DMRT2: variants seen among roughly 807,000 people sequenced by gnomAD.
DMRT2 encodes doublesex- and mab-3-related transcription factor 2.
Under a neutral mutation model 43.5 loss-of-function variants are expected in DMRT2, and 33 were observed. The observed-to-expected ratio is 0.76, with a 90% CI of 0.58 to 1.01. The LOEUF is 1.01. DMRT2 is among the 50% of genes least tolerant of loss of function. DMRT2 has a pLI of 0.00. For synonymous variants in DMRT2, 395 were observed against 309.2 expected (o/e 1.28, Z -2.91); for missense variants, 1,064 against 748.0 (o/e 1.42, Z -4.93).
In DMRT2 at chr9:1,056,940, C is replaced by T; in HGVS notation, c.1353C>T (p.Val451=). 1 of 1,614,196 alleles carries T rather than the reference C, an allele frequency of 6.2e-7. No homozygotes were observed. Residue 451 remains valine, a synonymous_variant, in exon 4 of 4, where the codon GTC becomes GTT. Coordinates refer to ENST00000358146, the MANE Select transcript of DMRT2 (RefSeq NM_181872.6). Reference sequence around the variant, plus strand: ...ACTCCCTGGCAGCTCAAGGGCATGTCTTAACGAAGATCAGCAAAGAAAACA... The same window carrying T: ...ACTCCCTGGCAGCTCAAGGGCATGTTTTAACGAAGATCAGCAAAGAAAACA... ...DTDSLAAQGH[V]LTKISKENTR...
chr9:1,057,134 T>C lies in DMRT2; in HGVS notation c.1547T>C (p.Phe516Ser), dbSNP rs767466352. ...GTTAAGGACAACCAGAAGTACACATTTACAATAGATAGATGTGCAAAAGAC... is the reference window on the plus strand; with the variant it reads ...GTTAAGGACAACCAGAAGTACACATCTACAATAGATAGATGTGCAAAAGAC... The part of the protein sequence containing the change: ...CLVKDNQKYT[F>S]TIDRCAKDLF... Residue 516 changes from phenylalanine to serine, a missense_variant, in exon 4 of 4, where the codon TTT becomes TCT. Physicochemically the swap from Phe to Ser is radical, Grantham distance 155 (BLOSUM62 -2). Coordinates refer to ENST00000358146, the MANE Select transcript of DMRT2 (RefSeq NM_181872.6). 3.7e-6 allele frequency: 6 copies of C among 1,613,844 alleles called. No homozygotes were observed. The highest frequency in any genetic ancestry group is 5.1e-6 in the Non-Finnish European group (6 of 1,179,990).
In DMRT2 at chr9:1,053,713, T is replaced by C. The variant is rs772911244; in HGVS notation, c.526-9T>C. On this transcript the variant is annotated splice_polypyrimidine_tract_variant and intron_variant, in intron 2 of 3. Transcript: ENST00000358146. ...AGGGCATTATTGATGATGTTTCTTG[T>C]GTTTACAGGACAAGAAGGGGCTTTC... 4 of 1,609,192 alleles carry C rather than the reference T, an allele frequency of 2.5e-6. No homozygotes were observed. In the African/African-American group the frequency reaches 5.4e-5, roughly 22 times the overall value.
Position 1,051,844 on chromosome 9 carries a change from G to A in DMRT2, c.231G>A (p.Gln77=), listed in dbSNP as rs1449174836. 3 of 1,429,456 alleles carry A rather than the reference G, an allele frequency of 2.1e-6. No individual in the cohort carries two copies. The highest frequency in any genetic ancestry group is 2.7e-6 in the Non-Finnish European group (3 of 1,100,056). The allele number at this position is 1,429,456 out of a possible 1,614,324, so 88.5% of individuals were successfully genotyped here. A position where few individuals can be genotyped will look rare whatever the true frequency, so the allele number is the denominator to read the frequency against. Residue 77 remains glutamine (Q), a synonymous_variant, in exon 2 of 4, where the codon CAG becomes CAA. Coordinates refer to ENST00000358146, the MANE Select transcript of DMRT2 (RefSeq NM_181872.6). This position sits in a 1 kb window ranked among gnomAD's most constrained non-coding sequence, Gnocchi z 5.9. Reference sequence around the variant, plus strand: ...GCGCGTCCCCCGGGATGCCCGGCCAGCCGGAGCAGCGGGGGGGACCGCAGC... The same window carrying A: ...GCGCGTCCCCCGGGATGCCCGGCCAACCGGAGCAGCGGGGGGGACCGCAGC... ...EAGASPGMPG[Q]PEQRGGPQPR...
rs140337454 is a variant in DMRT2, at chr9:1,056,868, C to A, written c.1281C>A (p.Ser427=). The A allele has an allele frequency of 1.2e-5, 20 of 1,614,002 alleles. No homozygotes were observed. The Middle Eastern group carries it at 1.6e-3, about 133-fold the overall frequency. Reference sequence around the variant, plus strand: ...GTCATCAGGCTGTCCCAGAGAGGTCCGCGTTCTCCCCACCCCGACGGAATT... The same window carrying A: ...GTCATCAGGCTGTCCCAGAGAGGTCAGCGTTCTCCCCACCCCGACGGAATT... ...LQGHQAVPER[S]AFSPPRRNFS... Residue 427 remains serine (S), a synonymous_variant, in exon 4 of 4, where the codon TCC becomes TCA. Coordinates refer to ENST00000358146, the MANE Select transcript of DMRT2 (RefSeq NM_181872.6).
At position 1,056,729 on chromosome 9, in the gene DMRT2, C is replaced by T; in HGVS notation, c.1142C>T (p.Ala381Val). Residue 381 changes from alanine to valine, a missense_variant, in exon 4 of 4, where the codon GCA (alanine) becomes GTA (valine). Coordinates refer to ENST00000358146, the MANE Select transcript of DMRT2 (RefSeq NM_181872.6). ...GGGGCCAGCTGGGACTTGAAGGGAG[C>T]ACGAGTCCAGGATGGACTCAGTGCA... ...KPGASWDLKG[A>V]RVQDGLSAEQ... The T allele has an allele frequency of 6.2e-7, 1 of 1,614,128 alleles. No individual in the cohort carries two copies. The highest frequency in any genetic ancestry group is 8.5e-7 in the Non-Finnish European group (1 of 1,180,020).
chr9:1,055,833 G>T lies in DMRT2; in HGVS notation c.629-383G>T, dbSNP rs6474554. 5,413 of 1,516,534 alleles carry T rather than the reference G, an allele frequency of 3.6e-3. 153 individuals carry two copies. In the African/African-American group the frequency reaches 0.063, roughly 18 times the overall value. 93.9% of individuals were successfully genotyped at this position (1,516,534 alleles called of 1,614,324 possible). Reference sequence around the variant, plus strand: ...ATATTTTTTAATAATGAAAAAAGATGACATGGATAATAATAAAACATTGAT... The same window carrying T: ...ATATTTTTTAATAATGAAAAAAGATTACATGGATAATAATAAAACATTGAT... On this transcript the variant is annotated intron_variant, in intron 3 of 3. Coordinates refer to ENST00000358146, the MANE Select transcript of DMRT2 (RefSeq NM_181872.6).
chr9:1,052,349 T>G (rs1821656339), intron 2 of DMRT2, among the ~76,000 whole-genome samples: 1 of 152,094 alleles, frequency 6.6e-6, no homozygotes, highest in Admixed American at 6.5e-5. Context: ...GGAAATGTTT[T>G]TGTCTTAAAA....
intron 3 of DMRT2, among the ~76,000 whole-genome samples, 199 bp downstream of exon 3, chr9:1,054,023 A>G (rs1305827074): frequency 6.6e-6 from 1 of 152,230 alleles, no homozygotes; most frequent in Non-Finnish European, 1.5e-5. Context: ...TGGCCCGGGA[A>G]CCAGAAAGTT....
rs186792147 is a variant in DMRT2, at chr9:1,053,998, C to A, written c.628+174C>A. ...CCCGTACGCTAAAACTGAACCCGTA[C>A]GGAGAAGATTAGCATGGCCCGGGAA... On this transcript the variant is annotated intron_variant, in intron 3 of 3. Transcript: ENST00000358146. Among the ~76,000 whole-genome samples, 7 of 152,248 alleles carry A rather than the reference C, an allele frequency of 4.6e-5. No homozygotes were observed. In the East Asian group the frequency reaches 1.3e-3, roughly 29 times the overall value.
Position 1,057,182 on chromosome 9 carries a change from G to C in DMRT2, c.1595G>C (p.Gly532Ala). Residue 532 changes from glycine (G) to alanine (A), a missense_variant, in exon 4 of 4, where the codon GGA becomes GCA. By Grantham distance (60) the Gly-to-Ala change is moderately conservative. Transcript: ENST00000358146. ...AKDLFVAKQV[G>A]TKLSVNEPLS... ...GACCTTTTTGTAGCCAAACAAGTTG[G>C]AACAAAACTCTCGGTGAATGAACCA... is the stretch of plus-strand genomic sequence containing the variant. 1.2e-6 allele frequency: 2 copies of C among 1,614,022 alleles called. No homozygotes were observed. The highest frequency in any genetic ancestry group is 1.7e-6 in the Non-Finnish European group (2 of 1,180,020).
rs1822003559 is a variant in DMRT2, at chr9:1,056,558, C to G, written c.971C>G (p.Ser324Cys). 2 of 1,614,094 alleles carry G rather than the reference C, an allele frequency of 1.2e-6. No homozygotes were observed. The highest frequency in any genetic ancestry group is 1.7e-5 in the Admixed American group (1 of 60,006). Residue 324 changes from serine to cysteine, a missense_variant, in exon 4 of 4, where the codon TCT (serine) becomes TGT (cysteine). Physicochemically the swap from Ser to Cys is moderately radical, Grantham distance 112. Coordinates refer to ENST00000358146, the MANE Select transcript of DMRT2 (RefSeq NM_181872.6). The stretch of plus-strand genomic sequence containing the variant: ...TCTGGGAATATGGAACTAATTTCTT[C>G]TAATGTCAGCGTGGCCACAACTTAT... ...SGSGNMELIS[S>C]NVSVATTYRQ... is the part of the protein sequence containing the mutation.
At chr9:1,054,356 A>G (rs1286099145) in intron 3 of DMRT2, among the ~76,000 whole-genome samples, 2 of 152,104 alleles carry the variant, frequency 1.3e-5, no homozygotes, top group African/African-American at 4.8e-5. Context: ...CGCAACCAGT[A>G]AAGCCGTTTA....
In DMRT2 at chr9:1,051,856, G is replaced by T. The variant is rs541403055; in HGVS notation, c.243G>T (p.Arg81=). The part of the protein sequence containing the change: ...SPGMPGQPEQ[R]GGPQPRPPLA... Reference sequence around the variant, plus strand: ...GGATGCCCGGCCAGCCGGAGCAGCGGGGGGGACCGCAGCCGAGGCCGCCGC... The same window carrying T: ...GGATGCCCGGCCAGCCGGAGCAGCGTGGGGGACCGCAGCCGAGGCCGCCGC... Residue 81 remains arginine (R), a synonymous_variant, in exon 2 of 4, where the codon CGG becomes CGT. Coordinates refer to ENST00000358146, the MANE Select transcript of DMRT2 (RefSeq NM_181872.6). The surrounding 1 kb of genome is among the most constrained non-coding windows in gnomAD (Gnocchi z 5.9). The T allele has an allele frequency of 1.2e-4, 166 of 1,399,602 alleles. No homozygotes were observed. In the African/African-American group the frequency reaches 1.8e-3, roughly 15 times the overall value. The allele number at this position is 1,399,602 out of a possible 1,614,324, so 86.7% of individuals were successfully genotyped here. A position where few individuals can be genotyped will look rare whatever the true frequency, so the allele number is the denominator to read the frequency against.
chr9:1,056,417 G>T lies in DMRT2; in HGVS notation c.830G>T (p.Gly277Val). 3 of 1,614,164 alleles carry T rather than the reference G, an allele frequency of 1.9e-6. No individual in the cohort carries two copies. The highest frequency in any genetic ancestry group is 2.5e-6 in the Non-Finnish European group (3 of 1,180,032). Residue 277 changes from glycine (G) to valine (V), a missense_variant, in exon 4 of 4, where the codon GGA becomes GTA. Coordinates refer to ENST00000358146, the MANE Select transcript of DMRT2 (RefSeq NM_181872.6). Reference sequence around the variant, plus strand: ...TTTCTGCCCAACCGCATGGTGCCTGGACCTGACTACAATTCCTACAAAAGT... The same window carrying T: ...TTTCTGCCCAACCGCATGGTGCCTGTACCTGACTACAATTCCTACAAAAGT... ...ALFLPNRMVP[G>V]PDYNSYKSAY...
intron 3 of DMRT2, chr9:1,055,895 G>C: frequency 6.8e-7 from 1 of 1,472,226 alleles, no homozygotes; most frequent in Non-Finnish European, 8.9e-7. Context: ...TTAATGCGTA[G>C]GGGGCCTGGG....
Position 1,051,546 on chromosome 9 carries a change from TTGGATTTCTTTG to T in DMRT2, c.-44-21_-44-10del. The T allele has an allele frequency of 6.9e-7, 1 of 1,441,760 alleles. No individual in the cohort carries two copies. The highest frequency in any genetic ancestry group is 9.0e-7 in the Non-Finnish European group (1 of 1,107,574). 89.3% of individuals were successfully genotyped at this position (1,441,760 alleles called of 1,614,324 possible). A position where few individuals can be genotyped will look rare whatever the true frequency, so the allele number is the denominator to read the frequency against. On this transcript the variant is annotated splice_polypyrimidine_tract_variant and intron_variant, in intron 1 of 3. Coordinates refer to ENST00000358146, the MANE Select transcript of DMRT2 (RefSeq NM_181872.6). The surrounding 1 kb of genome is among the most constrained non-coding windows in gnomAD (Gnocchi z 5.9). ...GTCCCTGACGGCGGCCGGTGGGTCTTTGGATTTCTTTGTGTTTCCCCAGAGTGAGGGCCGCCA... is the reference window on the plus strand; with the variant it reads ...GTCCCTGACGGCGGCCGGTGGGTCTTTGTTTCCCCAGAGTGAGGGCCGCCA...
Position 1,054,395 on chromosome 9 carries a change from C to G in DMRT2, c.628+571C>G, listed in dbSNP as rs1351274186. Among the ~76,000 whole-genome samples, 4 of 147,138 alleles carry G rather than the reference C, an allele frequency of 2.7e-5. 1 individual carries two copies. In the East Asian group the frequency reaches 7.9e-4, roughly 29 times the overall value. ...TGGAAGTTCAACCTCAGATTCCGCT[C>G]TTTTTCATTGTACTTTTTTTTTTTT... On this transcript the variant is annotated intron_variant, in intron 3 of 3. Transcript: ENST00000358146.
In DMRT2 at chr9:1,051,981, G is replaced by T; in HGVS notation, c.368G>T (p.Cys123Phe). The change falls in exon 2 of 4, where the codon TGC becomes TTC. Residue 123 changes from cysteine to phenylalanine, a missense_variant. By Grantham distance (205) the Cys-to-Phe change is radical. Coordinates refer to ENST00000358146, the MANE Select transcript of DMRT2 (RefSeq NM_181872.6). The surrounding 1 kb of genome is among the most constrained non-coding windows in gnomAD (Gnocchi z 5.9). The stretch of plus-strand genomic sequence containing the variant: ...CGCAAGCTGAGCCGCACGCCCAAGT[G>T]CGCGCGCTGCCGCAACCACGGCGTG... Reference protein sequence around the residue: ...EPRKLSRTPKCARCRNHGVVS... With the variant: ...EPRKLSRTPKFARCRNHGVVS... 1.4e-6 allele frequency: 2 copies of T among 1,443,736 alleles called. No individual in the cohort carries two copies. The highest frequency in any genetic ancestry group is 1.8e-6 in the Non-Finnish European group (2 of 1,104,340). 89.4% of individuals were successfully genotyped at this position (1,443,736 alleles called of 1,614,324 possible).
At chr9:1,055,619 C>T in intron 3 of DMRT2, 2 of 1,173,682 alleles carry the variant, frequency 1.7e-6, no homozygotes, top group South Asian at 2.3e-5. Context: ...GACTAGTTAA[C>T]AGCTCTTTTC....
Sources: allele counts gnomAD v4.1 joint callset (sites outside exome capture counted in the v4.1 genomes callset), GRCh38; gene constraint gnomAD v4.1.1; non-coding constraint Gnocchi (gnomAD v3.1); transcripts MANE v1.5; gene names NCBI Gene and HGNC (gene_info 2026-07-23, HGNC 2026-07-21).